The following KIAA1549 variants were observed in gnomAD, a reference collection of about 807,000 sequenced individuals.
The protein encoded by KIAA1549 is UPF0606 protein KIAA1549.
A neutral mutation model predicts 156.4 loss-of-function variants in KIAA1549; 70 were observed. The ratio of observed to expected loss-of-function variants is 0.45; its 90% confidence interval spans 0.37 to 0.55. The LOEUF (loss-of-function observed/expected upper bound fraction) is 0.55, where lower values mean the gene tolerates loss of function less well. Among genes scored for constraint, KIAA1549 ranks in the 20% least tolerant of loss-of-function variants. KIAA1549 has a pLI of 0.00. For synonymous variants in KIAA1549, 1,103 were observed against 1,066.4 expected (o/e 1.03, Z -0.67); for missense variants, 2,428 against 2,540.9 (o/e 0.96, Z 0.96).
chr7:138,846,521 A>G, intron 17 of KIAA1549, among the ~76,000 whole-genome samples: 1 of 135,014 alleles, frequency 7.4e-6, no homozygotes, highest in Admixed American at 7.7e-5. Context: ...GTGATGGAGC[A>G]AGACTCCATC....
chr7:138,860,989 T>C (rs898691597), intron 16 of KIAA1549, 150 bp downstream of exon 16: 3 of 745,114 alleles, frequency 4.0e-6, no homozygotes, highest in Non-Finnish European at 6.7e-6. Context: ...AGAATTAATT[T>C]AGTAGAAGAT....
chr7:138,953,088 G>A (rs774910909), intron 1 of KIAA1549, among the ~76,000 whole-genome samples: 1 of 152,222 alleles, frequency 6.6e-6, no homozygotes, highest in African/African-American at 2.4e-5. Context: ...GGGCACGGTG[G>A]CTCATGCCTG....
At chr7:138,943,253 T>C (rs1306571459) in intron 1 of KIAA1549, among the ~76,000 whole-genome samples, 1 of 152,142 alleles carries the variant, frequency 6.6e-6, no homozygotes, top group East Asian at 1.9e-4. Flanking sequence ...GAAGGCGCCG[T>C]TCTCATCTCC....
At chr7:138,845,832 G>A (rs1453013132) in intron 17 of KIAA1549, among the ~76,000 whole-genome samples, 2 of 151,932 alleles carry the variant, frequency 1.3e-5, no homozygotes, top group African/African-American at 2.4e-5. Flanking sequence ...ACAAATACTG[G>A]CAGTTGTTTT....
intron 17 of KIAA1549, among the ~76,000 whole-genome samples, chr7:138,846,252 T>C (rs965971259): frequency 6.6e-6 from 1 of 152,136 alleles, no homozygotes; most frequent in Non-Finnish European, 1.5e-5. Flanking sequence ...CGAGCAGTTT[T>C]GGCCGGGTGC....
chr7:138,879,959 C>T (rs1406354402), intron 11 of KIAA1549, among the ~76,000 whole-genome samples: 2 of 152,184 alleles, frequency 1.3e-5, no homozygotes, highest in African/African-American at 4.8e-5. Flanking sequence ...GCCCCTGGCC[C>T]CTAGTCTTTT....
intron 1 of KIAA1549, among the ~76,000 whole-genome samples, chr7:138,956,621 C>T (rs486220): frequency 0.42 from 63,533 of 152,040 alleles, 16,254 homozygotes; most frequent in African/African-American, 0.73. Context: ...CCATGTAAGA[C>T]GTGCCTCTCA....
chr7:138,866,874 C>T (rs774199157), intron 15 of KIAA1549, among the ~76,000 whole-genome samples: 1 of 152,214 alleles, frequency 6.6e-6, no homozygotes, highest in Non-Finnish European at 1.5e-5. Flanking sequence ...GCGATCAAAG[C>T]TCACTGCAGC....
At chr7:138,882,339 T>C (rs1408123622) in intron 10 of KIAA1549, among the ~76,000 whole-genome samples, 2 of 152,130 alleles carry the variant, frequency 1.3e-5, no homozygotes, top group Admixed American at 6.5e-5. Context: ...AAAGAAGCCA[T>C]TGAGGACGTG....
intron 1 of KIAA1549, among the ~76,000 whole-genome samples, chr7:138,937,141 C>T (rs893431049): frequency 6.6e-6 from 1 of 152,154 alleles, no homozygotes; most frequent in Non-Finnish European, 1.5e-5. Flanking sequence ...CCCCTACAAC[C>T]AGCCCATGCC....
At chr7:138,912,943 T>G (rs10250596) in intron 2 of KIAA1549, among the ~76,000 whole-genome samples, 1 of 151,770 alleles carries the variant, frequency 6.6e-6, no homozygotes, top group Admixed American at 6.6e-5. Context: ...GGCGCAATCT[T>G]GGCTCACTGT....
intron 1 of KIAA1549, among the ~76,000 whole-genome samples, chr7:138,934,056 T>C (rs1481981083): frequency 6.6e-6 from 1 of 152,214 alleles, no homozygotes; most frequent in African/African-American, 2.4e-5. Flanking sequence ...TGGGTTTTTG[T>C]TGTTGTCGTC....
chr7:138,924,324 T>G (rs1812651949), intron 1 of KIAA1549, among the ~76,000 whole-genome samples: 1 of 152,162 alleles, frequency 6.6e-6, no homozygotes, highest in Non-Finnish European at 1.5e-5. Context: ...GATAAATCAT[T>G]TTATGTGTCT....
chr7:138,866,015 C>T (rs946830405), intron 15 of KIAA1549, among the ~76,000 whole-genome samples: 5 of 152,126 alleles, frequency 3.3e-5, no homozygotes, highest in Non-Finnish European at 7.4e-5. Context: ...GGGAGCCCTC[C>T]CCAGATCAAG....
At chr7:138,899,270 C>G in intron 8 of KIAA1549, 138 bp from the exon 9 acceptor site, 1 of 735,192 alleles carries the variant, frequency 1.4e-6, no homozygotes, top group Non-Finnish European at 2.3e-6. Context: ...TTCAGGGGCC[C>G]AGAATCACCA....
chr7:138,858,287 A>T (rs1810452431), intron 16 of KIAA1549, among the ~76,000 whole-genome samples: 1 of 151,920 alleles, frequency 6.6e-6, no homozygotes, highest in Non-Finnish European at 1.5e-5. Context: ...GTAGAGACAG[A>T]GTCTCACTGT....
At chr7:138,949,454 T>A (rs1320940584) in intron 1 of KIAA1549, among the ~76,000 whole-genome samples, 1 of 150,682 alleles carries the variant, frequency 6.6e-6, no homozygotes, top group African/African-American at 2.5e-5. Flanking sequence ...AAAATCAGTA[T>A]TTTTTTAAAG....
chr7:138,951,704 T>C (rs1025927828), intron 1 of KIAA1549, among the ~76,000 whole-genome samples: 6 of 152,194 alleles, frequency 3.9e-5, no homozygotes, highest in Non-Finnish European at 5.9e-5. Flanking sequence ...TCAGGGACAA[T>C]CTGAGTTCAT....
In KIAA1549 at chr7:138,897,892, CAAAAAAAAAAAAAAA is replaced by C. The variant is rs59242488; in HGVS notation, c.3847+1048_3847+1062del. ...TGGGTGACAGAGCAAGACCCTTTCTCAAAAAAAAAAAAAAAAAAAAAAAAAAAAAAAGAGGAATCT... is the reference window on the plus strand; with the variant it reads ...TGGGTGACAGAGCAAGACCCTTTCTCAAAAAAAAAAAAAAAAGAGGAATCT... On this transcript the variant is annotated intron_variant, in intron 9 of 19. Transcript: ENST00000422774. Among the ~76,000 whole-genome samples the C allele has an allele frequency of 7.5e-3, 207 of 27,512 alleles. 8 individuals carry two copies. The highest frequency in any genetic ancestry group is 0.016 in the South Asian group (7 of 436). 18.0% of individuals were successfully genotyped at this position (27,512 alleles called of 152,430 possible). A position where few individuals can be genotyped will look rare whatever the true frequency, so the allele number is the denominator to read the frequency against.
Sources: allele counts gnomAD v4.1 joint callset (sites outside exome capture counted in the v4.1 genomes callset), GRCh38; gene constraint gnomAD v4.1.1; transcripts MANE v1.5; gene names NCBI Gene and HGNC (gene_info 2026-07-23, HGNC 2026-07-21).